The following MARCHF8 variants were observed in gnomAD, a reference collection of about 807,000 sequenced individuals.
MARCHF8 encodes the protein membrane associated ring-CH-type finger 8, also known as E3 ubiquitin-protein ligase MARCHF8.
In MARCHF8, 40 loss-of-function variants were observed where a neutral mutation model predicts 51.6. The ratio of observed to expected loss-of-function variants is 0.77; its 90% CI spans 0.60 to 1.01. The LOEUF is 1.01. Among genes scored for constraint, MARCHF8 ranks in the 50% least tolerant of loss-of-function variants. The pLI is 0.00. For synonymous variants in MARCHF8, 263 were observed against 280.3 expected, an observed-to-expected ratio of 0.94 and a Z score of 0.62; for missense variants, 685 against 708.6, an observed-to-expected ratio of 0.97 and a Z score of 0.38.
chr10:45,556,879 C>CA (rs1285238319), intron 1 of MARCHF8, among the ~76,000 whole-genome samples: 3 of 152,012 alleles, frequency 2.0e-5, no homozygotes, highest in African/African-American at 7.2e-5. Flanking sequence ...ATTAAAAAGA[C>CA]AAAAAATCCA....
upstream of MARCHF8, among the ~76,000 whole-genome samples, chr10:45,537,411 G>T (rs2043988338): frequency 6.6e-6 from 1 of 152,116 alleles, no homozygotes; most frequent in South Asian, 2.1e-4. Context: ...CCAGCACTTT[G>T]GGGGGCCAAG....
chr10:45,553,899 C>T (rs1179343360), intron 1 of MARCHF8, among the ~76,000 whole-genome samples: 3 of 152,066 alleles, frequency 2.0e-5, no homozygotes, highest in Admixed American at 2.0e-4. Context: ...ATAGAGGGAA[C>T]CACAATCAGA....
At chr10:45,474,080 T>C (rs573214982) in intron 3 of MARCHF8, among the ~76,000 whole-genome samples, 233 of 152,236 alleles carry the variant, frequency 1.5e-3, no homozygotes, top group African/African-American at 5.1e-3. Flanking sequence ...CGTATAGAGG[T>C]CTGCGTACTT....
chr10:45,515,443 C>A (rs58865519), intron 2 of MARCHF8, among the ~76,000 whole-genome samples: 35,138 of 152,116 alleles, frequency 0.23, 4,277 homozygotes, highest in Admixed American at 0.3. Flanking sequence ...ATTTGTTGTT[C>A]TGCAACAAAC....
intron 2 of MARCHF8, among the ~76,000 whole-genome samples, chr10:45,514,444 C>T (rs2043586498): frequency 6.6e-6 from 1 of 152,270 alleles, no homozygotes; most frequent in African/African-American, 2.4e-5. Context: ...TGCACAGCAG[C>T]TGCCACCCTA....
At chr10:45,478,972 G>A (rs1043332265) in intron 3 of MARCHF8, among the ~76,000 whole-genome samples, 5 of 152,222 alleles carry the variant, frequency 3.3e-5, no homozygotes, top group African/African-American at 1.2e-4. Context: ...AACTGAAGAA[G>A]AGAGAATTCT....
At position 45,540,976 on chromosome 10, in the gene MARCHF8, G is replaced by A. The variant is rs552753035; in HGVS notation, c.-78-7687C>T. The stretch of plus-strand genomic sequence containing the variant: ...ACACTTTTACACTGTTGGTGGGACA[G>A]TAAACTAGTTCAACCATTGTGGAAG... On this transcript the variant is annotated intron_variant, in intron 1 of 6. Transcript: ENST00000319836. Among the ~76,000 whole-genome samples the A allele has an allele frequency of 8.3e-4, 127 of 152,376 alleles. 2 individuals carry two copies. The highest frequency in any genetic ancestry group is 2.8e-3 in the African/African-American group (116 of 41,596).
intron 1 of MARCHF8, among the ~76,000 whole-genome samples, chr10:45,571,036 C>T (rs2133390207): frequency 6.6e-6 from 1 of 152,210 alleles, no homozygotes; most frequent in Admixed American, 6.5e-5. Context: ...TCCCACCAGG[C>T]ACTTTTATAG....
chr10:45,578,950 A>T (rs969349216), intron 1 of MARCHF8, among the ~76,000 whole-genome samples: 2 of 152,332 alleles, frequency 1.3e-5, no homozygotes, highest in East Asian at 3.9e-4. Context: ...AAGAAATATG[A>T]TAATTTCATG....
chr10:45,579,883 G>A (rs531999199), intron 1 of MARCHF8, among the ~76,000 whole-genome samples: 11 of 151,562 alleles, frequency 7.3e-5, no homozygotes, highest in South Asian at 2.1e-4. Context: ...ACGTGGTGGC[G>A]GGCATTGTAA....
At chr10:45,459,692 C>T in intron 6 of MARCHF8, 1 of 984,880 alleles carries the variant, frequency 1.0e-6, no homozygotes, top group Non-Finnish European at 1.2e-6. Flanking sequence ...AACACACTAG[C>T]AGATGGGTCA....
intron 1 of MARCHF8, among the ~76,000 whole-genome samples, chr10:45,592,604 T>G (rs35670420): frequency 0.062 from 9,500 of 152,260 alleles, 335 homozygotes; most frequent in Non-Finnish European, 0.067. Context: ...TATGTGATTA[T>G]AGCAGAAATG....
chr10:45,486,570 A>G (rs1388871039), intron 3 of MARCHF8, among the ~76,000 whole-genome samples: 1 of 152,178 alleles, frequency 6.6e-6, no homozygotes, highest in Non-Finnish European at 1.5e-5. Flanking sequence ...TCTAAAAAAA[A>G]ATGTATGCAA....
At chr10:45,578,657 G>A (rs1479100180) in intron 1 of MARCHF8, among the ~76,000 whole-genome samples, 1 of 152,158 alleles carries the variant, frequency 6.6e-6, no homozygotes, top group Non-Finnish European at 1.5e-5. Flanking sequence ...TGGCAGTAGA[G>A]AAATCTGGCA....
At chr10:45,482,345 C>A (rs893807884) in intron 3 of MARCHF8, among the ~76,000 whole-genome samples, 1 of 152,118 alleles carries the variant, frequency 6.6e-6, no homozygotes, top group Non-Finnish European at 1.5e-5. Context: ...AAAAAGAGCA[C>A]AAATAGCCAA....
chr10:45,462,799 T>C lies in MARCHF8; in HGVS notation c.1088+352A>G, dbSNP rs747603704. ...CGCCACCACGCCCGGCTAATTTTTG[T>C]ATTTTTAGTAGAGACGGGGTTTCGC... On this transcript the variant is annotated intron_variant, in intron 5 of 7. Transcript: ENST00000453424. Among the ~76,000 whole-genome samples, 4 of 152,052 alleles carry C rather than the reference T, an allele frequency of 2.6e-5. 1 individual carries two copies. The highest frequency in any genetic ancestry group is 4.8e-5 in the African/African-American group (2 of 41,408).
intron 1 of MARCHF8, among the ~76,000 whole-genome samples, chr10:45,579,779 A>G (rs1325992421): frequency 6.6e-6 from 1 of 151,970 alleles, no homozygotes; most frequent in Non-Finnish European, 1.5e-5. Flanking sequence ...TTTGGGAGGC[A>G]GAGGTGGGTG....
chr10:45,579,582 A>C (rs529411005), intron 1 of MARCHF8, among the ~76,000 whole-genome samples: 2 of 152,196 alleles, frequency 1.3e-5, no homozygotes, highest in Non-Finnish European at 2.9e-5. Flanking sequence ...CCACCTGTTA[A>C]ATCGGTAATT....
At chr10:45,492,544 G>C (rs1018865985) in intron 2 of MARCHF8, among the ~76,000 whole-genome samples, 6 of 152,108 alleles carry the variant, frequency 3.9e-5, no homozygotes, top group African/African-American at 1.4e-4. Context: ...TGATCTGCCC[G>C]CCTCGGCCTC....
Sources: gnomAD v4.1 joint callset for allele counts (sites outside exome capture counted in the v4.1 genomes callset) on GRCh38, gnomAD v4.1.1 for gene constraint, MANE v1.5 for transcripts, NCBI Gene and HGNC (gene_info 2026-07-23, HGNC 2026-07-21) for gene names.